The following KAT7 variants were observed in gnomAD, a reference collection of about 807,000 sequenced individuals.
The protein encoded by KAT7 is histone acetyltransferase KAT7.
A neutral mutation model predicts 82.1 loss-of-function variants in KAT7; 10 were observed. That is an observed-to-expected ratio of 0.12 (90% CI 0.08 to 0.21). The LOEUF (loss-of-function observed/expected upper bound fraction) is 0.21, where lower values mean the gene tolerates loss of function less well. Ranked by LOEUF, KAT7 falls within the 10% of genes least tolerant of loss-of-function variation. The pLI, the probability that KAT7 is intolerant of heterozygous loss-of-function variation, is 1.00. For synonymous variants in KAT7, 250 were observed against 262.5 expected (o/e 0.95, Z 0.46); for missense variants, 378 against 760.9 (o/e 0.50, Z 5.92).
In KAT7 at chr17:49,805,376, A is replaced by G; in HGVS notation, c.594A>G (p.Gly198=). 1 of 1,611,236 alleles carries G rather than the reference A, an allele frequency of 6.2e-7. No individual in the cohort carries two copies. Among genetic ancestry groups the G allele is most frequent in the Non-Finnish European group, 8.5e-7 (1 of 1,177,472 alleles). The change falls in exon 5 of 15, where the codon GGA becomes GGG. Residue 198 remains glycine (G), a synonymous_variant. Transcript: ENST00000259021. Reference sequence around the variant, plus strand: ...CTCCTTTAACAGGACACCTTACAGGAAAACATGAGAGACATTTCTCCATCT... The same window carrying G: ...CTCCTTTAACAGGACACCTTACAGGGAAACATGAGAGACATTTCTCCATCT... ...PGCNSLGHLT[G]KHERHFSISG...
At position 49,829,028 on chromosome 17, in the gene KAT7, C is replaced by G. The variant is rs1435232985; in HGVS notation, c.*1526C>G. On this transcript the variant is annotated 3_prime_UTR_variant, in exon 15 of 15. Transcript: ENST00000259021. ...ATAAAGGCCTTTTACAGAAGCTAAA[C>G]CCTTCCCCACATGTGGTAGAATGTG... The G allele has an allele frequency of 6.6e-5, 10 of 152,640 alleles. No homozygotes were observed. Among genetic ancestry groups the G allele is most frequent in the Non-Finnish European group, 2.9e-5 (2 of 68,032 alleles). 9.5% of individuals were successfully genotyped at this position (152,640 alleles called of 1,614,324 possible).
chr17:49,821,157 A>G (rs2074298749), intron 9 of KAT7, among the ~76,000 whole-genome samples, 180 bp from the exon 10 acceptor site: 1 of 152,176 alleles, frequency 6.6e-6, no homozygotes, highest in African/African-American at 2.4e-5. Flanking sequence ...AATATATTCA[A>G]ATGACTTTGG....
In KAT7 at chr17:49,814,923, C is replaced by T. The variant is rs549159412; in HGVS notation, c.853-880C>T. On this transcript the variant is annotated intron_variant, in intron 7 of 14. Transcript: ENST00000259021. ...TCTATAATGTTTTCCTGAGATAAGC[C>T]ATCCACTCCACTTAACTACCATTAT... 2.0e-5 allele frequency: 3 copies of T among 152,212 alleles called. No homozygotes were observed. In the South Asian group the frequency reaches 6.2e-4, roughly 32 times the overall value. The allele number at this position is 152,212 out of a possible 1,614,324, so 9.4% of individuals were successfully genotyped here. A position where few individuals can be genotyped will look rare whatever the true frequency, so the allele number is the denominator to read the frequency against.
rs571090315 is a variant in KAT7, at chr17:49,792,703, G to A, written c.163+670G>A. On this transcript the variant is annotated intron_variant, in intron 2 of 14. Transcript: ENST00000259021. Reference sequence around the variant, plus strand: ...ATATTCAACACTTTATTAAAAATAGGCTTTGTGTTAGATGATTGTGCACAA... The same window carrying A: ...ATATTCAACACTTTATTAAAAATAGACTTTGTGTTAGATGATTGTGCACAA... Among the ~76,000 whole-genome samples the A allele has an allele frequency of 1.7e-4, 26 of 152,244 alleles. No homozygotes were observed. In the South Asian group the frequency reaches 5.2e-3, roughly 30 times the overall value.
intron 12 of KAT7, chr17:49,823,514 G>A (rs2074331236): frequency 4.3e-6 from 2 of 467,326 alleles, no homozygotes; most frequent in Admixed American, 3.9e-5. Context: ...TGAGTAGGAG[G>A]TACAGAGGAT....
intron 7 of KAT7, 25 bp from the exon 8 acceptor site, chr17:49,815,778 T>A (rs745371078): frequency 7.5e-7 from 1 of 1,325,288 alleles, no homozygotes; most frequent in Non-Finnish European, 1.1e-6. Flanking sequence ...AGTATCAGAG[T>A]ATCACGCTCT....
chr17:49,798,239 G>C, intron 3 of KAT7, 80 bp from the exon 4 acceptor site: 1 of 1,355,620 alleles, frequency 7.4e-7, no homozygotes, highest in Non-Finnish European at 1.0e-6. Flanking sequence ...AAAGAACCTG[G>C]GAAGCCCATA....
chr17:49,833,104 C>T lies in KAT7; in HGVS notation c.*5602C>T, dbSNP rs2074437428. 1 of 152,180 alleles carries T rather than the reference C, an allele frequency of 6.6e-6. No individual in the cohort carries two copies. The highest frequency in any genetic ancestry group is 1.5e-5 in the Non-Finnish European group (1 of 68,024). 9.4% of individuals were successfully genotyped at this position (152,180 alleles called of 1,614,324 possible). ...GCCAAAACATCAGTTTGCCCCTAAC[C>T]TCTTGTGCAATACCTTTAAGTCCAG... On this transcript the variant is annotated 3_prime_UTR_variant, in exon 15 of 15. Coordinates refer to ENST00000259021, the MANE Select transcript of KAT7 (RefSeq NM_007067.5).
chr17:49,821,049 T>C (rs951170950), intron 9 of KAT7, among the ~76,000 whole-genome samples: 9 of 152,306 alleles, frequency 5.9e-5, no homozygotes, highest in Middle Eastern at 6.8e-3. Context: ...TGTTATTTAT[T>C]TGGCCTTTAT....
chr17:49,826,871 T>A, intron 14 of KAT7, 72 bp downstream of exon 14: 1 of 969,374 alleles, frequency 1.0e-6, no homozygotes, highest in Non-Finnish European at 1.6e-6. Flanking sequence ...GTATGGGCCT[T>A]AAGACTGGAG....
At chr17:49,802,858 C>T (rs777711610) in intron 4 of KAT7, among the ~76,000 whole-genome samples, 1 of 151,882 alleles carries the variant, frequency 6.6e-6, no homozygotes, top group African/African-American at 2.4e-5. Context: ...TCTGAGTAGC[C>T]AGGACTACGG....
chr17:49,820,363 C>A (rs577485308), intron 9 of KAT7, among the ~76,000 whole-genome samples: 3 of 151,934 alleles, frequency 2.0e-5, no homozygotes, highest in African/African-American at 4.8e-5. Context: ...TGTCGGCTCA[C>A]TGCAGCCTCC....
Position 49,833,018 on chromosome 17 carries a change from C to G in KAT7, c.*5516C>G, listed in dbSNP as rs1356337495. 2 of 152,164 alleles carry G rather than the reference C, an allele frequency of 1.3e-5. No individual in the cohort carries two copies. The highest frequency in any genetic ancestry group is 2.9e-5 in the Non-Finnish European group (2 of 68,032). The allele number at this position is 152,164 out of a possible 1,614,324, so 9.4% of individuals were successfully genotyped here. A position where few individuals can be genotyped will look rare whatever the true frequency, so the allele number is the denominator to read the frequency against. ...TCCTGTGTGGTATCTGCAACAAAAT[C>G]CCAATGAATGTCACCAAGAAGGAAA... is the stretch of plus-strand genomic sequence containing the variant. On this transcript the variant is annotated 3_prime_UTR_variant, in exon 15 of 15. Coordinates refer to ENST00000259021, the MANE Select transcript of KAT7 (RefSeq NM_007067.5).
intron 8 of KAT7, 77 bp from the exon 9 acceptor site, chr17:49,817,743 A>C (rs1276743521): frequency 8.5e-7 from 1 of 1,178,626 alleles, no homozygotes; most frequent in South Asian, 1.4e-5. Flanking sequence ...TTGGGATTAC[A>C]GGAGCCACTG....
intron 9 of KAT7, among the ~76,000 whole-genome samples, chr17:49,819,117 C>T (rs1343909991): frequency 6.6e-6 from 1 of 151,996 alleles, no homozygotes; most frequent in Non-Finnish European, 1.5e-5. Flanking sequence ...TTTTTATTTC[C>T]CAGGATTTCC....
chr17:49,809,431 G>A (rs1214526111), intron 6 of KAT7, among the ~76,000 whole-genome samples: 1 of 152,196 alleles, frequency 6.6e-6, no homozygotes. Context: ...AGTAATAGTA[G>A]TAGCAGTAGT....
At chr17:49,798,203 TGAAA>T in intron 3 of KAT7, 112 bp from the exon 4 acceptor site, 1 of 910,898 alleles carries the variant, frequency 1.1e-6, no homozygotes, top group Non-Finnish European at 1.6e-6. Context: ...GATGAATAGC[TGAAA>T]GTTACTGGTT....
intron 4 of KAT7, among the ~76,000 whole-genome samples, chr17:49,804,598 A>G (rs1047343002): frequency 6.6e-6 from 1 of 151,646 alleles, no homozygotes; most frequent in Non-Finnish European, 1.5e-5. Flanking sequence ...CAACACTGAG[A>G]CCCGTTTCTA....
intron 2 of KAT7, among the ~76,000 whole-genome samples, chr17:49,795,103 A>G (rs1050463456): frequency 3.9e-5 from 6 of 152,090 alleles, no homozygotes; most frequent in African/African-American, 1.2e-4. Context: ...CTCTGAAAAA[A>G]AAATTAATTA....
Sources: allele counts gnomAD v4.1 joint callset (sites outside exome capture counted in the v4.1 genomes callset), GRCh38; gene constraint gnomAD v4.1.1; transcripts MANE v1.5; gene names NCBI Gene and HGNC (gene_info 2026-07-23, HGNC 2026-07-21).